The following NLGN4X variants were observed in gnomAD, a reference collection of about 807,000 sequenced individuals.
NLGN4X encodes neuroligin 4 X-linked, also known as neuroligin-4, X-linked.
In NLGN4X, 3 loss-of-function variants were observed where a neutral mutation model predicts 40.3. The observed-to-expected ratio is 0.07, with a 90% CI of 0.03 to 0.19. The LOEUF (loss-of-function observed/expected upper bound fraction) is 0.19, where lower values mean the gene tolerates loss of function less well. Among genes scored for constraint, NLGN4X ranks in the 10% least tolerant of loss-of-function variants. The probability of loss-of-function intolerance (pLI) is 1.00; values close to 1 mark genes in which losing one functional copy is unlikely to be tolerated. For synonymous variants in NLGN4X, 270 were observed against 306.8 expected (o/e 0.88, Z 1.25); for missense variants, 382 against 708.3 (o/e 0.54, Z 5.23).
chrX:5,945,634 T>C (rs1010205197), intron 3 of NLGN4X, among the ~76,000 whole-genome samples: 1 of 111,222 alleles, frequency 9.0e-6, no homozygotes, highest in African/African-American at 3.3e-5. Context: ...GCTCTGTTGT[T>C]TTTAACATAG....
intron 2 of NLGN4X, chrX:6,032,781 GA>G (rs1569197912): frequency 1.0e-6 from 1 of 977,401 alleles, no homozygotes; most frequent in African/African-American, 1.9e-5. Context: ...AAAATAAAGG[GA>G]AAAAAGAGAA....
intron 3 of NLGN4X, among the ~76,000 whole-genome samples, chrX:5,968,457 C>CTCTCTCTCTGTGTGTG (rs1192942244): frequency 1.3e-4 from 6 of 47,022 alleles, no homozygotes; most frequent in African/African-American, 6.6e-4. Flanking sequence ...CTCTCTCTCT[C>CTCTCTCTCTGTGTGTG]TGTGTGTGTG....
At chrX:5,926,966 A>G (rs907818587) in intron 3 of NLGN4X, among the ~76,000 whole-genome samples, 2 of 108,888 alleles carry the variant, frequency 1.8e-5, no homozygotes, top group Non-Finnish European at 3.8e-5. Flanking sequence ...CTATCTATCT[A>G]TCTATCTATC....
intron 2 of NLGN4X, chrX:6,061,552 C>G (rs1286214515): frequency 8.9e-6 from 1 of 111,765 alleles, no homozygotes; most frequent in East Asian, 2.8e-4. Context: ...GCTTTTACCC[C>G]CAACACTCCA....
intron 3 of NLGN4X, among the ~76,000 whole-genome samples, chrX:5,962,177 T>C (rs1478227465): frequency 8.9e-6 from 1 of 112,218 alleles, no homozygotes; most frequent in Non-Finnish European, 1.9e-5. Context: ...CTATTTGACA[T>C]TAAGTATGTA....
At chrX:6,111,511 G>A (rs2039148380) in intron 2 of NLGN4X, among the ~76,000 whole-genome samples, 1 of 111,494 alleles carries the variant, frequency 9.0e-6, no homozygotes, top group Non-Finnish European at 1.9e-5. Flanking sequence ...GGTCAAGGCA[G>A]GAGAAATGTT....
Position 5,971,505 on chromosome X carries a change from C to T in NLGN4X, c.625+57775G>A, listed in dbSNP as rs144583386. On this transcript the variant is annotated intron_variant, in intron 3 of 5. Transcript: ENST00000381095. ...CCCTTCTCTGAGTTTGAAACAGCTC[C>T]TAATAGAAGGATCAAGTCACAACTG... Among the ~76,000 whole-genome samples, 634 of 111,677 alleles carry T rather than the reference C, an allele frequency of 5.7e-3. 7 individuals are homozygous for T. The highest frequency in any genetic ancestry group is 0.019 in the African/African-American group (577 of 30,751).
At chrX:5,975,409 G>A (rs1043846495) in intron 3 of NLGN4X, among the ~76,000 whole-genome samples, 1 of 110,070 alleles carries the variant, frequency 9.1e-6, no homozygotes, top group African/African-American at 3.3e-5. Context: ...TTAGGAGTTT[G>A]AGAGCAGGCT....
chrX:6,015,489 C>A (rs781110795), intron 3 of NLGN4X, among the ~76,000 whole-genome samples: 34 of 111,258 alleles, frequency 3.1e-4, no homozygotes, highest in Non-Finnish European at 5.1e-4. Context: ...CGGAGGGATG[C>A]CTTGTCCATT....
chrX:5,909,495 A>C (rs2032371372), intron 3 of NLGN4X, among the ~76,000 whole-genome samples: 1 of 111,257 alleles, frequency 9.0e-6, no homozygotes, highest in African/African-American at 3.3e-5. Context: ...AGGCAAAATG[A>C]ATCTAAAATA....
intron 5 of NLGN4X, 77 bp from the exon 6 acceptor site, chrX:5,893,743 C>A: frequency 9.2e-7 from 1 of 1,086,509 alleles, no homozygotes; most frequent in African/African-American, 1.8e-5. Context: ...ACCAATAAAT[C>A]AGGAAGTTAC....
rs1413911697 is a variant in NLGN4X at position 5,891,017 on chromosome X, G to C, written c.*1800C>G. The C allele has an allele frequency of 3.3e-6, 1 of 300,481 alleles. No individual in the cohort carries two copies. Among genetic ancestry groups the C allele is most frequent in the Non-Finnish European group, 6.2e-6 (1 of 160,116 alleles). The allele number at this position is 300,481 out of a possible 1,213,427, so 24.8% of individuals were successfully genotyped here. A position where few individuals can be genotyped will look rare whatever the true frequency, so the allele number is the denominator to read the frequency against. Reference sequence around the variant, plus strand: ...TTCTAGAATAACCCACAATGGAGCCGAGGAACATGATCTTCAAATATCTTT... The same window carrying C: ...TTCTAGAATAACCCACAATGGAGCCCAGGAACATGATCTTCAAATATCTTT... On this transcript the variant is annotated 3_prime_UTR_variant, in exon 6 of 6. Transcript: ENST00000381095.
chrX:6,156,807 T>A (rs1328411262), intron 1 of NLGN4X, among the ~76,000 whole-genome samples: 3 of 107,545 alleles, frequency 2.8e-5, no homozygotes, highest in East Asian at 2.9e-4. Flanking sequence ...CTCAGCACCA[T>A]CCAATACACC....
At chrX:5,973,421 G>A (rs1159977671) in intron 3 of NLGN4X, among the ~76,000 whole-genome samples, 1 of 112,571 alleles carries the variant, frequency 8.9e-6, no homozygotes, top group African/African-American at 3.2e-5. Flanking sequence ...ACACTCTGTT[G>A]GCAAGAAAGT....
chrX:6,048,504 C>T (rs2037385022), intron 2 of NLGN4X, among the ~76,000 whole-genome samples: 1 of 111,680 alleles, frequency 9.0e-6, no homozygotes, highest in East Asian at 2.8e-4. Flanking sequence ...AATCGCCATT[C>T]TGACTTGCGT....
chrX:5,928,995 T>G (rs2033434567), intron 3 of NLGN4X, among the ~76,000 whole-genome samples: 1 of 110,414 alleles, frequency 9.1e-6, no homozygotes, highest in African/African-American at 3.3e-5. Flanking sequence ...AAAGACTCAT[T>G]TTGGTTTTAG....
chrX:5,917,647 G>A (rs1303401021), intron 3 of NLGN4X, among the ~76,000 whole-genome samples: 4 of 112,037 alleles, frequency 3.6e-5, no homozygotes, highest in East Asian at 2.8e-4. Context: ...ACAGCATTGC[G>A]CTTGGTGTGG....
intron 2 of NLGN4X, among the ~76,000 whole-genome samples, chrX:6,131,493 A>AT (rs1231315461): frequency 8.9e-6 from 1 of 112,271 alleles, no homozygotes. Context: ...AATAAATCAA[A>AT]TTACACCCTC....
rs141797771 is a variant in NLGN4X, at chrX:6,130,086, G to A, written c.472+20909C>T. Among the ~76,000 whole-genome samples the A allele has an allele frequency of 8.2e-3, 904 of 110,158 alleles. 10 individuals carry two copies. Among genetic ancestry groups the A allele is most frequent in the African/African-American group, 0.029 (875 of 30,277 alleles). On this transcript the variant is annotated intron_variant, in intron 2 of 5. Transcript: ENST00000381095. ...TCTTTTTTATAGAGGTGGAGGTCTCGCTATGTTGCCCAGGCTGGTCTCAAA... is the reference window on the plus strand; with the variant it reads ...TCTTTTTTATAGAGGTGGAGGTCTCACTATGTTGCCCAGGCTGGTCTCAAA...
Sources: gnomAD v4.1 joint callset for allele counts (sites outside exome capture counted in the v4.1 genomes callset) on GRCh38, gnomAD v4.1.1 for gene constraint, MANE v1.5 for transcripts, NCBI Gene and HGNC (gene_info 2026-07-23, HGNC 2026-07-21) for gene names.